The following RPAP3 variants were observed in gnomAD, a reference collection of about 807,000 sequenced individuals.
RPAP3 encodes RNA polymerase II-associated protein 3.
A neutral mutation model predicts 88.8 loss-of-function variants in RPAP3; 58 were observed. That is an observed-to-expected ratio of 0.65 (90% confidence interval 0.53 to 0.81). The LOEUF is 0.81. Ranked by LOEUF, RPAP3 falls within the 40% of genes least tolerant of loss-of-function variation. The pLI, the probability that RPAP3 is intolerant of heterozygous loss-of-function variation, is 0.00. For missense variants in RPAP3, 751 were observed against 764.3 expected, an observed-to-expected ratio of 0.98 and a Z score of 0.20; for synonymous variants, 255 against 259.9, an observed-to-expected ratio of 0.98 and a Z score of 0.18.
At chr12:47,696,737 A>C (rs568926169) in intron 4 of RPAP3, among the ~76,000 whole-genome samples, 1 of 152,206 alleles carries the variant, frequency 6.6e-6, no homozygotes, top group Non-Finnish European at 1.5e-5. Flanking sequence ...TTCTAATAAC[A>C]TTTTCTTTTC....
rs1282751637 is a variant in RPAP3, at chr12:47,661,887, A to G, written c.*1618T>C. 1 of 152,240 alleles carries G rather than the reference A, an allele frequency of 6.6e-6. No homozygotes were observed. Among genetic ancestry groups the G allele is most frequent in the East Asian group, 1.9e-4 (1 of 5,202 alleles). The allele number at this position is 152,240 out of a possible 1,614,324, so 9.4% of individuals were successfully genotyped here. On this transcript the variant is annotated 3_prime_UTR_variant, in exon 17 of 17. Transcript: ENST00000005386. Reference sequence around the variant, plus strand: ...ACCTTGTAAGTTTCTTCAAAGGATCATACCGTAGTCCATTCGGGTTGCTAT... The same window carrying G: ...ACCTTGTAAGTTTCTTCAAAGGATCGTACCGTAGTCCATTCGGGTTGCTAT...
chr12:47,665,448 C>A (rs1938851829), intron 16 of RPAP3, among the ~76,000 whole-genome samples: 2 of 151,286 alleles, frequency 1.3e-5, no homozygotes, highest in African/African-American at 4.9e-5. Context: ...CTATATAAAA[C>A]CACTATAATG....
At chr12:47,688,124 A>C in intron 7 of RPAP3, 123 bp from the exon 8 acceptor site, 1 of 858,852 alleles carries the variant, frequency 1.2e-6, no homozygotes, top group Non-Finnish European at 1.6e-6. Context: ...TAATCAAAAT[A>C]ACATTTTCTG....
chr12:47,663,703 A>G, intron 16 of RPAP3, 113 bp from the exon 17 acceptor site: 1 of 551,144 alleles, frequency 1.8e-6, no homozygotes, highest in East Asian at 3.2e-5. Flanking sequence ...TTAAAGCAAT[A>G]CATAGGTTTA....
Position 47,663,517 on chromosome 12 carries a change from T to A in RPAP3, c.1986A>T (p.Arg662Ser). 1 of 1,587,468 alleles carries A rather than the reference T, an allele frequency of 6.3e-7. No individual in the cohort carries two copies. The highest frequency in any genetic ancestry group is 8.6e-7 in the Non-Finnish European group (1 of 1,166,496). The change falls in exon 17 of 17, where the codon AGA becomes AGT. Residue 662 changes from arginine to serine, a missense_variant. Arg to Ser is a moderately radical substitution (Grantham distance 110). Coordinates refer to ENST00000005386, the MANE Select transcript of RPAP3 (RefSeq NM_024604.3). The part of the protein sequence containing the change: ...KDSSVEELKK[R>S]YGG ...GCAAAAATGGAAATCAACCACCGTA[T>A]CTTTTCTTGAGTTCTTCGACAGAAC...
At chr12:47,670,788 A>G (rs1219060761) in intron 12 of RPAP3, among the ~76,000 whole-genome samples, 1 of 152,176 alleles carries the variant, frequency 6.6e-6, no homozygotes, top group East Asian at 1.9e-4. Flanking sequence ...AGGCAGTTTG[A>G]AGACAGCTTA....
intron 1 of RPAP3, among the ~76,000 whole-genome samples, chr12:47,703,264 G>A (rs538806585): frequency 3.3e-5 from 5 of 152,302 alleles, no homozygotes; most frequent in African/African-American, 9.6e-5. Flanking sequence ...GGTCCCTTGT[G>A]CAGTGGAGAA....
intron 5 of RPAP3, among the ~76,000 whole-genome samples, chr12:47,694,655 C>A (rs1939488476): frequency 1.3e-5 from 2 of 148,522 alleles, no homozygotes; most frequent in African/African-American, 2.5e-5. Flanking sequence ...ATAGGAAAAG[C>A]CCTAAAAAAA....
At chr12:47,670,056 T>C (rs367609830) in intron 13 of RPAP3, 51 bp downstream of exon 13, 14 of 1,179,016 alleles carry the variant, frequency 1.2e-5, no homozygotes, top group African/African-American at 1.1e-4. Context: ...CAATTCTCCA[T>C]TGGAATTAAC....
chr12:47,685,786 T>C (rs1346417440), intron 9 of RPAP3, among the ~76,000 whole-genome samples: 1 of 152,076 alleles, frequency 6.6e-6, no homozygotes, highest in Non-Finnish European at 1.5e-5. Flanking sequence ...ATTTTAAATG[T>C]AGTTTCAAAT....
In RPAP3 at chr12:47,704,928, G is replaced by A. The variant is rs533844539; in HGVS notation, c.-7+1024C>T. 1.3e-4 allele frequency among the ~76,000 whole-genome samples: 20 copies of A among 151,996 alleles called. No homozygotes were observed. The South Asian group carries it at 3.5e-3, about 27-fold the overall frequency. On this transcript the variant is annotated intron_variant, in intron 1 of 16. Transcript: ENST00000005386. ...CTCAGGAGGCTGAGGTGGGAGGATCGGGAGATCGAGGCCACAGTGGGCGGT... is the reference window on the plus strand; with the variant it reads ...CTCAGGAGGCTGAGGTGGGAGGATCAGGAGATCGAGGCCACAGTGGGCGGT...
At chr12:47,676,386 T>C (rs1340233202) in intron 12 of RPAP3, among the ~76,000 whole-genome samples, 1 of 151,802 alleles carries the variant, frequency 6.6e-6, no homozygotes, top group East Asian at 1.9e-4. Context: ...AGGCAAGAAG[T>C]AACTATGATC....
intron 9 of RPAP3, among the ~76,000 whole-genome samples, chr12:47,685,368 G>A (rs1415766935): frequency 3.0e-4 from 41 of 134,508 alleles, no homozygotes; most frequent in Admixed American, 5.7e-4. Context: ...GACAGAGGGG[G>A]ACTCTGTCTC....
chr12:47,704,651 T>A (rs1482192527), intron 1 of RPAP3, among the ~76,000 whole-genome samples: 2 of 151,826 alleles, frequency 1.3e-5, no homozygotes, highest in Non-Finnish European at 1.5e-5. Flanking sequence ...GTGCTGGGAT[T>A]ATAGGCATGA....
chr12:47,674,181 C>A (rs1939061846), intron 12 of RPAP3, among the ~76,000 whole-genome samples: 1 of 151,728 alleles, frequency 6.6e-6, no homozygotes, highest in Admixed American at 6.6e-5. Flanking sequence ...GGCACAGCTC[C>A]AATCTGCAGC....
intron 10 of RPAP3, among the ~76,000 whole-genome samples, chr12:47,681,288 T>C (rs1939216997): frequency 1.3e-5 from 2 of 152,186 alleles, no homozygotes; most frequent in African/African-American, 4.8e-5. Flanking sequence ...GAGTCAACTT[T>C]CAATATAAAT....
chr12:47,681,911 A>C (rs1939230964), intron 9 of RPAP3, 94 bp from the exon 10 acceptor site: 1 of 1,177,546 alleles, frequency 8.5e-7, no homozygotes, highest in African/African-American at 1.6e-5. Context: ...GCTTGTATAT[A>C]ATTTCAATCA....
Position 47,667,851 on chromosome 12 carries a change from G to T in RPAP3, c.1714C>A (p.Gln572Lys), listed in dbSNP as rs764500345. The change falls in exon 15 of 17, where the codon CAA (glutamine) becomes AAA (lysine). Residue 572 changes from glutamine to lysine, a missense_variant and splice_region_variant. Transcript: ENST00000005386. ...SPDMLYQYLK[Q>K]IEPSLYPKLF... ...TTAGGATACAAAGATGGTTCAATTTGCTTGAAAAAAAAATAAAAAGACAAT... is the reference window on the plus strand; with the variant it reads ...TTAGGATACAAAGATGGTTCAATTTTCTTGAAAAAAAAATAAAAAGACAAT... 1.9e-6 allele frequency: 3 copies of T among 1,573,278 alleles called. No homozygotes were observed. Among genetic ancestry groups the T allele is most frequent in the South Asian group, 2.3e-5 (2 of 86,736 alleles).
chr12:47,678,249 C>G (rs1466043303), intron 12 of RPAP3, among the ~76,000 whole-genome samples: 1 of 152,092 alleles, frequency 6.6e-6, no homozygotes, highest in East Asian at 1.9e-4. Context: ...AAAATTAATT[C>G]AAGATGGATT....
Sources: allele counts gnomAD v4.1 joint callset (sites outside exome capture counted in the v4.1 genomes callset), GRCh38; gene constraint gnomAD v4.1.1; transcripts MANE v1.5; gene names NCBI Gene and HGNC (gene_info 2026-07-23, HGNC 2026-07-21).